PDE3B: variants seen among roughly 807,000 people sequenced by gnomAD.
PDE3B encodes the protein phosphodiesterase 3B.
PDE3B carries 66 observed loss-of-function variants against 116.8 expected under a neutral mutation model. That is an observed-to-expected ratio of 0.56 (90% CI 0.46 to 0.69). The LOEUF is 0.69. Ranked by LOEUF, PDE3B falls within the 30% of genes least tolerant of loss-of-function variation. The pLI, the probability that PDE3B is intolerant of heterozygous loss-of-function variation, is 0.00. For synonymous variants in PDE3B, 595 were observed against 533.6 expected (o/e 1.12, Z -1.59); for missense variants, 1,384 against 1,368.1 (o/e 1.01, Z -0.18).
intron 4 of PDE3B, among the ~76,000 whole-genome samples, chr11:14,796,648 TG>T (rs1858564391): frequency 6.6e-6 from 1 of 152,272 alleles, no homozygotes; most frequent in Non-Finnish European, 1.5e-5. Context: ...ATATGTTTGT[TG>T]GCTGCATAAA....
intron 2 of PDE3B, among the ~76,000 whole-genome samples, chr11:14,779,359 A>G (rs192569978): frequency 4.6e-5 from 7 of 152,214 alleles, no homozygotes; most frequent in Non-Finnish European, 1.0e-4. Flanking sequence ...TCCAAAACAC[A>G]TAATTGTCAG....
chr11:14,643,825 G>A lies in PDE3B; in HGVS notation c.-251G>A, dbSNP rs945354907. The stretch of plus-strand genomic sequence containing the variant: ...CTCCAGTCCCGAGAGGTGCCCGAGG[G>A]AAAAGGAGGCGGCAGCTAAACTGGT... On this transcript the variant is annotated 5_prime_UTR_variant, in exon 1 of 16. Transcript: ENST00000282096. 1.3e-5 allele frequency: 6 copies of A among 453,688 alleles called. No homozygotes were observed. Among genetic ancestry groups the A allele is most frequent in the Non-Finnish European group, 1.5e-5 (4 of 264,758 alleles). 28.1% of individuals were successfully genotyped at this position (453,688 alleles called of 1,614,324 possible).
chr11:14,779,296 C>T (rs1443385077), intron 2 of PDE3B, among the ~76,000 whole-genome samples: 1 of 152,088 alleles, frequency 6.6e-6, no homozygotes, highest in Non-Finnish European at 1.5e-5. Flanking sequence ...GGCCAACATT[C>T]AAATTCAGGA....
At chr11:14,846,776 A>G (rs1565162689) in intron 12 of PDE3B, among the ~76,000 whole-genome samples, 1 of 152,174 alleles carries the variant, frequency 6.6e-6, no homozygotes, top group Non-Finnish European at 1.5e-5. Flanking sequence ...GATCAATTCA[A>G]CAAGAAGAGC....
rs1404411729 is a variant in PDE3B, at chr11:14,843,864, T to C, written c.2358T>C (p.Tyr786=). ...DGRINHGRIA[Y]ISSKSCSNPD... ...GAATTAACCATGGGCGAATTGCTTA[T>C]ATTTCTTCGAAGAGCTGCTCTAATC... is the stretch of plus-strand genomic sequence containing the variant. The change falls in exon 12 of 16, where the codon TAT becomes TAC. Residue 786 remains tyrosine (Y), a synonymous_variant. Coordinates refer to ENST00000282096, the MANE Select transcript of PDE3B (RefSeq NM_000922.4). 1 of 1,614,182 alleles carries C rather than the reference T, an allele frequency of 6.2e-7. No homozygotes were observed. Among genetic ancestry groups the C allele is most frequent in the Non-Finnish European group, 8.5e-7 (1 of 1,180,006 alleles).
At chr11:14,874,987 T>A (rs116296353), downstream of PDE3B, among the ~76,000 whole-genome samples, 485 of 152,224 alleles carry the variant, frequency 3.2e-3, 3 homozygotes, top group African/African-American at 0.011. Flanking sequence ...GAGCCCTCAA[T>A]CTAGGGCACT....
At chr11:14,881,907 C>A in the PDE3B span, among the ~76,000 whole-genome samples, 1 of 152,066 alleles carries the variant, frequency 6.6e-6, no homozygotes, top group Non-Finnish European at 1.5e-5. Context: ...TATAGCAATA[C>A]AAAATGGACT....
At chr11:14,884,748 A>T in the PDE3B span, among the ~76,000 whole-genome samples, 1 of 152,098 alleles carries the variant, frequency 6.6e-6, no homozygotes, top group African/African-American at 2.4e-5. Context: ...CCTGGTTTTT[A>T]AAAATCTTAA....
intron 8 of PDE3B, 132 bp downstream of exon 8, chr11:14,830,978 T>A (rs919999016): frequency 9.1e-6 from 4 of 439,214 alleles, no homozygotes; most frequent in Non-Finnish European, 1.5e-5. Context: ...TATAAGTCAC[T>A]ATAACTGAAA....
At chr11:14,771,390 T>TA (rs1857638842) in intron 1 of PDE3B, among the ~76,000 whole-genome samples, 1 of 151,744 alleles carries the variant, frequency 6.6e-6, no homozygotes, top group Non-Finnish European at 1.5e-5. Flanking sequence ...TTACCATTGA[T>TA]AAGCTAGGCT....
At chr11:14,738,841 C>T (rs959265906) in intron 1 of PDE3B, among the ~76,000 whole-genome samples, 1 of 152,188 alleles carries the variant, frequency 6.6e-6, no homozygotes, top group African/African-American at 2.4e-5. Flanking sequence ...TTTCCCAACA[C>T]CATTTATTAA....
chr11:14,844,713 G>A (rs974805070), intron 12 of PDE3B, among the ~76,000 whole-genome samples: 1 of 152,208 alleles, frequency 6.6e-6, no homozygotes, highest in African/African-American at 2.4e-5. Context: ...GGGTCCTATG[G>A]CCACGGAGTC....
chr11:14,768,741 G>A (rs1462023034), intron 1 of PDE3B, among the ~76,000 whole-genome samples: 1 of 151,358 alleles, frequency 6.6e-6, no homozygotes, highest in Admixed American at 6.6e-5. Context: ...ATCTGTTGTG[G>A]ATTGATGCTT....
intron 4 of PDE3B, among the ~76,000 whole-genome samples, chr11:14,800,269 A>G (rs902170443): frequency 1.6e-4 from 24 of 152,170 alleles, no homozygotes; most frequent in African/African-American, 5.8e-4. Context: ...GTTCGATTCC[A>G]GCCTGACCAA....
the PDE3B span, among the ~76,000 whole-genome samples, chr11:14,892,530 A>G: frequency 1.3e-5 from 2 of 152,212 alleles, no homozygotes; most frequent in African/African-American, 4.8e-5. Flanking sequence ...TCACTGGGCT[A>G]GGCGGATCCT....
intron 1 of PDE3B, among the ~76,000 whole-genome samples, chr11:14,736,905 GAGGTAGTAGTGGTCATTAGGAGTT>G (rs1856615205): frequency 6.6e-6 from 1 of 152,188 alleles, no homozygotes; most frequent in Non-Finnish European, 1.5e-5. Flanking sequence ...ACACCCAAGA[GAGGTAGTAGTGGTCATTAGGAGTT>G]AGTATGGGCT....
intron 1 of PDE3B, among the ~76,000 whole-genome samples, chr11:14,715,561 T>C (rs1328605855): frequency 1.3e-5 from 2 of 152,200 alleles, no homozygotes; most frequent in African/African-American, 4.8e-5. Flanking sequence ...GCTCTCTGTT[T>C]GTGTGTTATT....
intron 14 of PDE3B, among the ~76,000 whole-genome samples, chr11:14,867,277 T>C (rs1347581380): frequency 6.6e-6 from 1 of 152,200 alleles, no homozygotes; most frequent in African/African-American, 2.4e-5. Context: ...TCTTATTAAC[T>C]GAGTATCAGC....
intron 12 of PDE3B, among the ~76,000 whole-genome samples, chr11:14,846,982 A>T (rs1847620037): frequency 2.0e-5 from 3 of 152,200 alleles, no homozygotes; most frequent in African/African-American, 7.2e-5. Context: ...GCTCTGCACC[A>T]AGCGGACCTA....
Sources: gnomAD v4.1 joint callset for allele counts (sites outside exome capture counted in the v4.1 genomes callset) on GRCh38, gnomAD v4.1.1 for gene constraint, MANE v1.5 for transcripts, NCBI Gene and HGNC (gene_info 2026-07-23, HGNC 2026-07-21) for gene names.